SNTG1: variants seen among roughly 807,000 people sequenced by gnomAD.
The protein encoded by SNTG1 is gamma-1-syntrophin.
Under a neutral mutation model 74.7 loss-of-function variants are expected in SNTG1, and 39 were observed. That is an observed-to-expected ratio of 0.52 (90% CI 0.40 to 0.68). The LOEUF (loss-of-function observed/expected upper bound fraction) is 0.68. SNTG1 is among the 30% of genes least tolerant of loss of function. SNTG1 has a pLI of 0.00. For synonymous variants in SNTG1, 254 were observed against 217.1 expected, an observed-to-expected ratio of 1.17 and a Z score of -1.49; for missense variants, 685 against 609.5, an observed-to-expected ratio of 1.12 and a Z score of -1.30.
At chr8:50,043,263 T>C (rs1818796297) in intron 1 of SNTG1, among the ~76,000 whole-genome samples, 1 of 152,208 alleles carries the variant, frequency 6.6e-6, no homozygotes, top group South Asian at 2.1e-4. Flanking sequence ...TGACTTTTTA[T>C]AAGTAAAGCA....
At chr8:50,343,878 A>G (rs2100233) in intron 2 of SNTG1, among the ~76,000 whole-genome samples, 124,390 of 152,126 alleles carry the variant, frequency 0.82, 53,339 homozygotes, top group East Asian at 1. Context: ...GTTAAAATAC[A>G]GGCCTTAATA....
intron 13 of SNTG1, among the ~76,000 whole-genome samples, chr8:50,595,656 C>G (rs1041896448): frequency 6.6e-6 from 1 of 151,890 alleles, no homozygotes; most frequent in East Asian, 1.9e-4. Context: ...CCTGAGGGAG[C>G]GGGGAACAAA....
chr8:50,189,800 T>G (rs757949688), intron 2 of SNTG1, among the ~76,000 whole-genome samples: 1 of 152,146 alleles, frequency 6.6e-6, no homozygotes, highest in South Asian at 2.1e-4. Flanking sequence ...GCATAAAATA[T>G]AGTGTTTTTC....
chr8:50,455,394 T>C (rs922791307), intron 8 of SNTG1, among the ~76,000 whole-genome samples: 3 of 152,330 alleles, frequency 2.0e-5, no homozygotes, highest in African/African-American at 7.2e-5. Flanking sequence ...ATTTATTAGG[T>C]AATTTGAATT....
rs1158342243 is a variant in SNTG1, at chr8:50,744,368, T to C, written c.1285-7633T>C. 5.9e-5 allele frequency among the ~76,000 whole-genome samples: 9 copies of C among 152,132 alleles called. No homozygotes were observed. The East Asian group carries it at 1.2e-3, about 20-fold the overall frequency. On this transcript the variant is annotated intron_variant, in intron 17 of 18. Transcript: ENST00000642720. ...AAAGAGAATAAAATAATTGGGGATA[T>C]ACTTAACCAAGTAGGTGAAAGTCTT...
Position 50,792,730 on chromosome 8 carries a change from C to T in SNTG1, c.1455C>T (p.Ala485=). 6.2e-7 allele frequency: 1 copy of T among 1,612,468 alleles called. No homozygotes were observed. The highest frequency in any genetic ancestry group is 2.2e-5 in the East Asian group (1 of 44,842). The change falls in exon 19 of 19, where the codon GCC becomes GCT. Residue 485 remains alanine, a synonymous_variant. Coordinates refer to ENST00000642720, the MANE Select transcript of SNTG1 (RefSeq NM_018967.5). ...ACTGCATTCATTCCTTCTTTGCTGC[C>T]AAGGTAGCTTGTTTGGACCCTCTAT... ...VLHCIHSFFA[A]KVACLDPLFL... is the part of the protein sequence containing the mutation.
intron 2 of SNTG1, among the ~76,000 whole-genome samples, chr8:50,242,975 G>A (rs2086232686): frequency 6.6e-6 from 1 of 151,982 alleles, no homozygotes; most frequent in East Asian, 1.9e-4. Context: ...TGTCTGTTGA[G>A]ATCTATGAGT....
chr8:50,780,737 T>A (rs895207612), intron 18 of SNTG1, among the ~76,000 whole-genome samples: 5 of 152,220 alleles, frequency 3.3e-5, no homozygotes, highest in Non-Finnish European at 5.9e-5. Context: ...ATTTCTTGCC[T>A]TCTGCTATCT....
chr8:50,268,410 C>T (rs2087591172), intron 2 of SNTG1, among the ~76,000 whole-genome samples: 1 of 152,046 alleles, frequency 6.6e-6, no homozygotes, highest in Admixed American at 6.6e-5. Flanking sequence ...ATAAGAAAGA[C>T]ATATTTTTTA....
chr8:50,548,767 A>G (rs1355007745), intron 11 of SNTG1, among the ~76,000 whole-genome samples: 1 of 152,188 alleles, frequency 6.6e-6, no homozygotes, highest in Non-Finnish European at 1.5e-5. Flanking sequence ...AGAAAATCTC[A>G]TGGAATAGAT....
intron 2 of SNTG1, among the ~76,000 whole-genome samples, chr8:50,245,425 G>A (rs1355907473): frequency 2.0e-5 from 3 of 152,134 alleles, no homozygotes; most frequent in Non-Finnish European, 4.4e-5. Context: ...GCTCACACCT[G>A]TAATCTCAGC....
intron 2 of SNTG1, among the ~76,000 whole-genome samples, chr8:50,390,127 C>T (rs1382791618): frequency 6.6e-6 from 1 of 151,302 alleles, no homozygotes; most frequent in African/African-American, 2.4e-5. Context: ...GTTGCCATTG[C>T]TTTTGGTGTT....
In SNTG1 at chr8:50,057,923, G is replaced by T. The variant is rs888802717; in HGVS notation, c.-102-114638G>T. Reference sequence around the variant, plus strand: ...ATGATATGTTTTTCAGACAGTGATAGTCTATGTGCACTTTTTAATTTATTG... The same window carrying T: ...ATGATATGTTTTTCAGACAGTGATATTCTATGTGCACTTTTTAATTTATTG... On this transcript the variant is annotated intron_variant, in intron 1 of 18. Transcript: ENST00000642720. 5.3e-5 allele frequency among the ~76,000 whole-genome samples: 8 copies of T among 152,252 alleles called. No homozygotes were observed. The South Asian group carries it at 1.5e-3, about 28-fold the overall frequency.
chr8:50,249,491 C>T (rs1468603662), intron 2 of SNTG1, among the ~76,000 whole-genome samples: 1 of 152,192 alleles, frequency 6.6e-6, no homozygotes, highest in African/African-American at 2.4e-5. Flanking sequence ...AAACCCATTT[C>T]TCTAGAGGAA....
chr8:50,151,240 G>C (rs1044013535), intron 1 of SNTG1, among the ~76,000 whole-genome samples: 1 of 152,124 alleles, frequency 6.6e-6, no homozygotes, highest in Non-Finnish European at 1.5e-5. Flanking sequence ...TTGTATTTCT[G>C]TGGAATTGGT....
At chr8:50,081,598 G>T (rs559612917) in intron 1 of SNTG1, among the ~76,000 whole-genome samples, 1 of 151,978 alleles carries the variant, frequency 6.6e-6, no homozygotes, top group South Asian at 2.1e-4. Context: ...GGTGTCTGAA[G>T]GCCTGTTCAC....
intron 13 of SNTG1, among the ~76,000 whole-genome samples, chr8:50,630,252 C>A (rs1017386571): frequency 6.6e-6 from 1 of 152,068 alleles, no homozygotes; most frequent in Non-Finnish European, 1.5e-5. Context: ...TGCATTTACT[C>A]TGCTTTCAAA....
chr8:50,458,357 T>A (rs1344852519), intron 8 of SNTG1, among the ~76,000 whole-genome samples: 1 of 152,212 alleles, frequency 6.6e-6, no homozygotes, highest in Non-Finnish European at 1.5e-5. Flanking sequence ...AGCTCTTGGA[T>A]ATTAACACTT....
chr8:50,239,156 T>A (rs528797088), intron 2 of SNTG1, among the ~76,000 whole-genome samples: 12 of 152,268 alleles, frequency 7.9e-5, no homozygotes, highest in African/African-American at 2.9e-4. Flanking sequence ...AGCAAAGGAA[T>A]GTAAATTGTT....
Sources: allele counts gnomAD v4.1 joint callset (sites outside exome capture counted in the v4.1 genomes callset), GRCh38; gene constraint gnomAD v4.1.1; transcripts MANE v1.5; gene names NCBI Gene and HGNC (gene_info 2026-07-23, HGNC 2026-07-21).